Variants in SNX31 observed in about 807,000 individuals in gnomAD.
SNX31 encodes sorting nexin-31.
Under a neutral mutation model 65.4 loss-of-function variants are expected in SNX31, and 58 were observed. That is an observed-to-expected ratio of 0.89 (90% CI 0.72 to 1.10). The LOEUF (loss-of-function observed/expected upper bound fraction) is 1.10, where lower values mean the gene tolerates loss of function less well. SNX31 is among the 50% of genes least tolerant of loss of function. The pLI, the probability that SNX31 is intolerant of heterozygous loss-of-function variation, is 0.00. For synonymous variants in SNX31, 181 were observed against 190.1 expected, an observed-to-expected ratio of 0.95 and a Z score of 0.39; for missense variants, 523 against 529.7, an observed-to-expected ratio of 0.99 and a Z score of 0.12.
intron 4 of SNX31, among the ~76,000 whole-genome samples, chr8:100,620,564 A>T (rs1242678390): frequency 2.0e-5 from 3 of 152,236 alleles, no homozygotes; most frequent in African/African-American, 7.2e-5. Flanking sequence ...TAGTCCAAAA[A>T]AAGCACTATA....
intron 8 of SNX31, among the ~76,000 whole-genome samples, chr8:100,601,981 G>A (rs560049583): frequency 2.0e-5 from 3 of 152,278 alleles, no homozygotes; most frequent in South Asian, 4.1e-4. Flanking sequence ...TGGGGAGGCC[G>A]TGGAATCAGC....
chr8:100,600,308 T>C, intron 9 of SNX31, 41 bp downstream of exon 9: 1 of 1,535,770 alleles, frequency 6.5e-7, no homozygotes, highest in Non-Finnish European at 9.0e-7. Flanking sequence ...TTTCTTTAAC[T>C]CCCTTTCAAG....
At chr8:100,650,443 A>T (rs1050716595), upstream of SNX31, among the ~76,000 whole-genome samples, 2 of 152,214 alleles carry the variant, frequency 1.3e-5, no homozygotes. Flanking sequence ...GTCCAAGCTC[A>T]CAGGGCATTT....
chr8:100,628,810 ATGGG>A (rs1440901770), intron 4 of SNX31, among the ~76,000 whole-genome samples: 2 of 141,990 alleles, frequency 1.4e-5, no homozygotes, highest in Admixed American at 7.3e-5. Context: ...GTAAAATAAA[ATGGG>A]TGTGTGTGTG....
chr8:100,590,345 C>T (rs1366542151), intron 10 of SNX31, among the ~76,000 whole-genome samples: 1 of 152,238 alleles, frequency 6.6e-6, no homozygotes, highest in Non-Finnish European at 1.5e-5. Flanking sequence ...GTAATCCCAG[C>T]ACTTTGGGAG....
At chr8:100,587,955 GCTATATAC>G (rs1425875675) in intron 11 of SNX31, among the ~76,000 whole-genome samples, 2 of 152,046 alleles carry the variant, frequency 1.3e-5, no homozygotes, top group African/African-American at 2.4e-5. Flanking sequence ...GGTATAGCTT[GCTATATAC>G]CTAAGCTAGA....
Position 100,576,501 on chromosome 8 carries a change from T to C in SNX31, c.1227+518A>G, listed in dbSNP as rs1359983563. ...TGCACTAATTTCCTCAACTTATTTA[T>C]AGGGCTGTGAAGGAATGTGTTAATT... On this transcript the variant is annotated intron_variant, in intron 13 of 13. Coordinates refer to ENST00000311812, the MANE Select transcript of SNX31 (RefSeq NM_152628.4). This position sits in a 1 kb window ranked among gnomAD's most constrained non-coding sequence, Gnocchi z 4.8. Among the ~76,000 whole-genome samples the C allele has an allele frequency of 6.6e-6, 1 of 152,184 alleles. No individual in the cohort carries two copies. The highest frequency in any genetic ancestry group is 1.5e-5 in the Non-Finnish European group (1 of 68,036).
At chr8:100,616,861 G>T (rs1041655548) in intron 5 of SNX31, among the ~76,000 whole-genome samples, 1 of 152,176 alleles carries the variant, frequency 6.6e-6, no homozygotes, top group African/African-American at 2.4e-5. Flanking sequence ...TCCTTTGAAA[G>T]GTCCTAGAAA....
At position 100,660,058 on chromosome 8, in the gene SNX31, T is replaced by C. The variant is rs546786620; in HGVS notation, c.-58+3084A>G. 1.3e-5 allele frequency among the ~76,000 whole-genome samples: 2 copies of C among 152,214 alleles called. No homozygotes were observed. Among genetic ancestry groups the C allele is most frequent in the South Asian group, 4.1e-4 (2 of 4,824 alleles). On this transcript the variant is annotated intron_variant, in intron 1 of 5. Coordinates refer to the SNX31 transcript ENST00000520352. This position sits in a 1 kb window ranked among gnomAD's most constrained non-coding sequence, Gnocchi z 4.1. ...ACTACAGGAGAAAAAAGAATGAAAATATGATTAAGATCACTCTTTGGCTGA... is the reference window on the plus strand; with the variant it reads ...ACTACAGGAGAAAAAAGAATGAAAACATGATTAAGATCACTCTTTGGCTGA...
At chr8:100,628,604 G>A (rs575977003) in intron 4 of SNX31, among the ~76,000 whole-genome samples, 1 of 150,366 alleles carries the variant, frequency 6.7e-6, no homozygotes, top group South Asian at 2.1e-4. Context: ...GTGGGGGGAA[G>A]GGGGAGGGAT....
chr8:100,598,133 C>G (rs868598152), intron 9 of SNX31, among the ~76,000 whole-genome samples: 2 of 152,208 alleles, frequency 1.3e-5, no homozygotes, highest in Middle Eastern at 3.2e-3. Context: ...CAGCTGACTC[C>G]TGATCTCATG....
At chr8:100,649,142 G>A in intron 2 of SNX31, 132 bp downstream of exon 2, 5 of 802,686 alleles carry the variant, frequency 6.2e-6, no homozygotes, top group Non-Finnish European at 1.0e-5. Context: ...CCAGGACCCT[G>A]TTTCACAATA....
rs1488752869 is a variant in SNX31, at chr8:100,576,987, A to G, written c.1227+32T>C. 1 of 1,536,326 alleles carries G rather than the reference A, an allele frequency of 6.5e-7. No individual in the cohort carries two copies. The highest frequency in any genetic ancestry group is 2.3e-5 in the East Asian group (1 of 44,400). ...AAAAGATCAGATTTATCAAAATTAT[A>G]ATGTACCAATTACATAATTTTACTC... On this transcript the variant is annotated intron_variant, in intron 13 of 13. Coordinates refer to ENST00000311812, the MANE Select transcript of SNX31 (RefSeq NM_152628.4). The surrounding 1 kb of genome is among the most constrained non-coding windows in gnomAD (Gnocchi z 4.8).
At chr8:100,616,382 T>C (rs1277541711) in intron 5 of SNX31, among the ~76,000 whole-genome samples, 1 of 152,194 alleles carries the variant, frequency 6.6e-6, no homozygotes, top group Non-Finnish European at 1.5e-5. Flanking sequence ...CCTGCAGCTG[T>C]ACCCCAGAGC....
intron 2 of SNX31, among the ~76,000 whole-genome samples, chr8:100,640,777 C>T (rs7820990): frequency 0.64 from 96,503 of 151,676 alleles, 32,964 homozygotes; most frequent in African/African-American, 0.9. Context: ...AAGTACTCAT[C>T]AGAATTATCA....
chr8:100,590,755 C>T (rs1814498067), intron 10 of SNX31, among the ~76,000 whole-genome samples: 1 of 152,084 alleles, frequency 6.6e-6, no homozygotes, highest in African/African-American at 2.4e-5. Context: ...GCACTCCAGC[C>T]TGGACAACAG....
In SNX31 at chr8:100,599,633, T is replaced by C. The variant is rs539567303; in HGVS notation, c.774+716A>G. Among the ~76,000 whole-genome samples the C allele has an allele frequency of 6.6e-4, 101 of 152,160 alleles. 1 individual carries two copies. Among genetic ancestry groups the C allele is most frequent in the Non-Finnish European group, 1.1e-3 (75 of 67,990 alleles). On this transcript the variant is annotated intron_variant, in intron 9 of 13. Transcript: ENST00000311812. ...TATAAATGAGTCCTCTAAATTTTGG[T>C]TGTATTTCGTTCAAAAATCAATGTT... is the stretch of plus-strand genomic sequence containing the variant.
intron 2 of SNX31, among the ~76,000 whole-genome samples, chr8:100,647,255 G>A (rs893935957): frequency 2.6e-5 from 4 of 152,104 alleles, no homozygotes. Flanking sequence ...AGAAATCTGG[G>A]ATAAATATGA....
At chr8:100,611,561 T>C (rs554710503) in intron 7 of SNX31, among the ~76,000 whole-genome samples, 1 of 152,306 alleles carries the variant, frequency 6.6e-6, no homozygotes, top group East Asian at 1.9e-4. Flanking sequence ...TTCATTGCTT[T>C]TCTTTTCTTT....
Sources: gnomAD v4.1 joint callset for allele counts (sites outside exome capture counted in the v4.1 genomes callset) on GRCh38, gnomAD v4.1.1 for gene constraint, Gnocchi (gnomAD v3.1) non-coding constraint, MANE v1.5 for transcripts, NCBI Gene and HGNC (gene_info 2026-07-23, HGNC 2026-07-21) for gene names.